CAMSAP2: variants seen among roughly 807,000 people sequenced by gnomAD.
CAMSAP2 encodes calmodulin regulated spectrin associated protein family member 2, also known as calmodulin-regulated spectrin-associated protein 2.
CAMSAP2 carries 26 observed loss-of-function variants against 146.1 expected under a neutral mutation model. The observed-to-expected ratio is 0.18, with a 90% CI of 0.13 to 0.25. The LOEUF is 0.25. CAMSAP2 is among the 10% of genes least tolerant of loss of function. The probability of loss-of-function intolerance (pLI) is 1.00; values close to 1 mark genes in which losing one functional copy is unlikely to be tolerated. For synonymous variants in CAMSAP2, 499 were observed against 596.6 expected, an observed-to-expected ratio of 0.84 and a Z score of 2.38; for missense variants, 1,381 against 1,759.3, an observed-to-expected ratio of 0.78 and a Z score of 3.85.
chr1:200,754,783 C>T (rs959790496), intron 1 of CAMSAP2, among the ~76,000 whole-genome samples: 4 of 151,926 alleles, frequency 2.6e-5, no homozygotes, highest in African/African-American at 7.3e-5. Flanking sequence ...GGGGTTTCAC[C>T]GTGTTAGTCA....
chr1:200,777,522 A>G (rs1665313584), intron 2 of CAMSAP2, among the ~76,000 whole-genome samples: 2 of 152,214 alleles, frequency 1.3e-5, no homozygotes, highest in South Asian at 4.2e-4. Context: ...AAGTACTAAA[A>G]AGTGCTCAAC....
At chr1:200,756,916 G>A (rs1377454607) in intron 1 of CAMSAP2, among the ~76,000 whole-genome samples, 1 of 151,936 alleles carries the variant, frequency 6.6e-6, no homozygotes, top group African/African-American at 2.4e-5. Context: ...CATATATTAG[G>A]GTATTCATAT....
rs1236259337 is a variant in CAMSAP2, at chr1:200,832,513, A to G, written c.787+172A>G. Among the ~76,000 whole-genome samples the G allele has an allele frequency of 3.9e-5, 6 of 152,310 alleles. No individual in the cohort carries two copies. The highest frequency in any genetic ancestry group is 2.6e-4 in the Admixed American group (4 of 15,300). Reference sequence around the variant, plus strand: ...TTTTTTAAAAATAAAGAACATTTATATATAATTCTGAGGGAGGTAGTTCAA... The same window carrying G: ...TTTTTTAAAAATAAAGAACATTTATGTATAATTCTGAGGGAGGTAGTTCAA... On this transcript the variant is annotated intron_variant, in intron 5 of 16. Transcript: ENST00000358823. The surrounding 1 kb of genome is among the most constrained non-coding windows in gnomAD (Gnocchi z 4.2).
chr1:200,823,502 T>G (rs1212843887), intron 4 of CAMSAP2, among the ~76,000 whole-genome samples: 1 of 152,230 alleles, frequency 6.6e-6, no homozygotes, highest in African/African-American at 2.4e-5. Context: ...TTTTAAATAT[T>G]TGTCAGGTGT....
At chr1:200,764,172 G>C (rs1453864601) in intron 2 of CAMSAP2, among the ~76,000 whole-genome samples, 1 of 152,052 alleles carries the variant, frequency 6.6e-6, no homozygotes, top group Non-Finnish European at 1.5e-5. Flanking sequence ...ATGAAAAATA[G>C]TGTGTTTAAT....
chr1:200,825,929 C>T (rs536606602), intron 4 of CAMSAP2, among the ~76,000 whole-genome samples: 3 of 152,140 alleles, frequency 2.0e-5, no homozygotes, highest in African/African-American at 4.8e-5. Context: ...AATTGTGCTG[C>T]ACAGAATACT....
chr1:200,799,898 C>CATCT (rs1293916983), intron 2 of CAMSAP2, among the ~76,000 whole-genome samples: 4 of 150,864 alleles, frequency 2.7e-5, no homozygotes, highest in Admixed American at 6.6e-5. Context: ...TTTCAAAGAA[C>CATCT]TTATTTCTGC....
chr1:200,797,176 G>GTA (rs1222899030), intron 2 of CAMSAP2, among the ~76,000 whole-genome samples: 1 of 151,440 alleles, frequency 6.6e-6, no homozygotes, highest in African/African-American at 2.4e-5. Flanking sequence ...AGTCCTTTGG[G>GTA]TATATACCCA....
intron 2 of CAMSAP2, among the ~76,000 whole-genome samples, chr1:200,764,937 C>T (rs1163729507): frequency 1.3e-5 from 2 of 152,036 alleles, no homozygotes; most frequent in South Asian, 2.1e-4. Context: ...AACCCCATCT[C>T]TACTAAAAAT....
At chr1:200,842,975 C>CA (rs1210360243) in intron 7 of CAMSAP2, among the ~76,000 whole-genome samples, 35 of 66,872 alleles carry the variant, frequency 5.2e-4, no homozygotes, top group African/African-American at 7.1e-4. Flanking sequence ...GACACCATCT[C>CA]AAAAAAAAAA....
In CAMSAP2 at chr1:200,796,135, G is replaced by A. The variant is rs564652082; in HGVS notation, c.400-11241G>A. Among the ~76,000 whole-genome samples, 134 of 152,248 alleles carry A rather than the reference G, an allele frequency of 8.8e-4. No homozygotes were observed. The Middle Eastern group carries it at 0.014, about 15-fold the overall frequency. ...ACCTGGGTATAGCAGAGTAGCAGTG[G>A]CACCTTTGGTCCTGACTATGTTTAA... On this transcript the variant is annotated intron_variant, in intron 2 of 16. Coordinates refer to ENST00000358823, the MANE Select transcript of CAMSAP2 (RefSeq NM_203459.4).
chr1:200,777,276 C>G (rs1387933283), intron 2 of CAMSAP2, among the ~76,000 whole-genome samples: 2 of 152,102 alleles, frequency 1.3e-5, no homozygotes, highest in Admixed American at 6.5e-5. Flanking sequence ...CCCTTTATTC[C>G]TCATGGTGCT....
intron 1 of CAMSAP2, among the ~76,000 whole-genome samples, chr1:200,759,280 ATT>A (rs374473632): frequency 5.4e-5 from 7 of 128,866 alleles, no homozygotes; most frequent in Admixed American, 8.0e-5. Context: ...CTGCTATTCT[ATT>A]TTTTTTTTTT....
chr1:200,842,221 A>G, intron 7 of CAMSAP2, 134 bp downstream of exon 7: 1 of 646,042 alleles, frequency 1.5e-6, no homozygotes, highest in Non-Finnish European at 2.7e-6. Flanking sequence ...CACTTGATAG[A>G]TTCTCCTAAC....
chr1:200,856,054 G>T lies in CAMSAP2; in HGVS notation c.3941G>T (p.Ser1314Ile). The change falls in exon 15 of 17, where the codon AGT becomes ATT. Residue 1314 changes from serine (S) to isoleucine (I), a missense_variant. By Grantham distance (142) the Ser-to-Ile change is moderately radical. Coordinates refer to ENST00000358823, the MANE Select transcript of CAMSAP2 (RefSeq NM_203459.4). ...TTCTTATCTCCAAGTCGTTGTGGCAGTCGAAATGGAGAAAAAGACTGGGAG... is the reference window on the plus strand; with the variant it reads ...TTCTTATCTCCAAGTCGTTGTGGCATTCGAAATGGAGAAAAAGACTGGGAG... ...EGFLSPSRCG[S>I]RNGEKDWENA... is the part of the protein sequence containing the mutation. The T allele has an allele frequency of 6.2e-7, 1 of 1,613,998 alleles. No homozygotes were observed.
chr1:200,769,441 A>G (rs1665052510), intron 2 of CAMSAP2, among the ~76,000 whole-genome samples: 1 of 152,170 alleles, frequency 6.6e-6, no homozygotes. Context: ...CAGTTCCAAC[A>G]TTATCTACCT....
chr1:200,854,578 G>A (rs928710565), intron 13 of CAMSAP2, among the ~76,000 whole-genome samples: 12 of 151,862 alleles, frequency 7.9e-5, no homozygotes, highest in African/African-American at 2.2e-4. Flanking sequence ...CTTTTGGAAC[G>A]CAAGTTAGTT....
At position 200,850,112 on chromosome 1, in the gene CAMSAP2, G is replaced by A. The variant is rs767992979; in HGVS notation, c.3343G>A (p.Val1115Ile). 3.7e-6 allele frequency: 6 copies of A among 1,614,062 alleles called. No individual in the cohort carries two copies. Among genetic ancestry groups the A allele is most frequent in the Non-Finnish European group, 5.1e-6 (6 of 1,179,980 alleles). ...TCCAAAAAATGTTAATCTGATTGAAGTTTCCCTCTCAGATTTGAAACCCCC... is the reference window on the plus strand; with the variant it reads ...TCCAAAAAATGTTAATCTGATTGAAATTTCCCTCTCAGATTTGAAACCCCC... ...TAPKNVNLIE[V>I]SLSDLKPPEK... The change falls in exon 11 of 17, where the codon GTT becomes ATT. Residue 1115 changes from valine to isoleucine, a missense_variant. Val to Ile is a conservative substitution (Grantham distance 29). This residue lies in a region of CAMSAP2 where 560 missense variants were observed against 715.9 expected (regional missense o/e 0.78). Transcript: ENST00000358823.
At chr1:200,786,267 CT>C (rs1189637417) in intron 2 of CAMSAP2, among the ~76,000 whole-genome samples, 1 of 151,436 alleles carries the variant, frequency 6.6e-6, no homozygotes, top group Non-Finnish European at 1.5e-5. Flanking sequence ...TATTTCTTTT[CT>C]TTTTCTTATT....
Sources: allele counts gnomAD v4.1 joint callset (sites outside exome capture counted in the v4.1 genomes callset), GRCh38; gene constraint gnomAD v4.1.1; regional missense constraint gnomAD v4.1.1; non-coding constraint Gnocchi (gnomAD v3.1); transcripts MANE v1.5; gene names NCBI Gene and HGNC (gene_info 2026-07-23, HGNC 2026-07-21).